The following NAXD variants were observed in gnomAD, a reference collection of about 807,000 sequenced individuals.
The protein encoded by NAXD is ATP-dependent (S)-NAD(P)H-hydrate dehydratase.
Under a neutral mutation model 35.8 loss-of-function variants are expected in NAXD, and 22 were observed. That is an observed-to-expected ratio of 0.62 (90% confidence interval 0.44 to 0.88). The LOEUF (loss-of-function observed/expected upper bound fraction) is 0.88. NAXD is among the 40% of genes least tolerant of loss of function. The pLI, the probability that NAXD is intolerant of heterozygous loss-of-function variation, is 0.00. For synonymous variants in NAXD, 189 were observed against 177.6 expected (o/e 1.06, Z -0.51); for missense variants, 428 against 437.7 (o/e 0.98, Z 0.20).
At chr13:110,620,407 C>T (rs1291114286) in intron 1 of NAXD, among the ~76,000 whole-genome samples, 1 of 151,788 alleles carries the variant, frequency 6.6e-6, no homozygotes. Context: ...TGGTGAAACC[C>T]CGTCTCTGCT....
intron 8 of NAXD, among the ~76,000 whole-genome samples, chr13:110,636,500 G>A (rs986252271): frequency 6.6e-6 from 1 of 152,202 alleles, no homozygotes; most frequent in Non-Finnish European, 1.5e-5. Flanking sequence ...ACACAGCTGT[G>A]CACAAGGAAC....
chr13:110,634,877 A>C (rs540078381), intron 7 of NAXD, 101 bp downstream of exon 7: 1 of 850,306 alleles, frequency 1.2e-6, no homozygotes, highest in Non-Finnish European at 1.9e-6. Context: ...CCCTGTGGAC[A>C]CACCTGCAAG....
chr13:110,636,415 C>G (rs1387548148), intron 8 of NAXD, among the ~76,000 whole-genome samples: 4 of 152,148 alleles, frequency 2.6e-5, no homozygotes, highest in African/African-American at 9.7e-5. Flanking sequence ...GCCTCGCACG[C>G]CCTTGCACAC....
At chr13:110,624,021 G>C (rs201843728) in intron 2 of NAXD, among the ~76,000 whole-genome samples, 1 of 143,366 alleles carries the variant, frequency 7.0e-6, no homozygotes, top group African/African-American at 2.6e-5. Flanking sequence ...AAAAAAAAAA[G>C]ACATTTCTAG....
intron 5 of NAXD, 68 bp downstream of exon 5, chr13:110,627,615 C>T: frequency 9.3e-7 from 1 of 1,076,892 alleles, no homozygotes. Context: ...GGAACAGAGG[C>T]ATTTCTCTTG....
chr13:110,634,904 C>T, intron 7 of NAXD, 128 bp downstream of exon 7: 2 of 705,520 alleles, frequency 2.8e-6, no homozygotes, highest in Non-Finnish European at 4.9e-6. Context: ...CTGTGCCTCT[C>T]CCAGCGGATG....
rs972823973 is a variant in NAXD, at chr13:110,622,315, C to T, written c.146C>T (p.Thr49Ile). Reference protein sequence around the residue: ...VRNIIPPLSSTKHKGQDGRIG... With the variant: ...VRNIIPPLSSIKHKGQDGRIG... ...AATATCATACCTCCTCTGTCTTCCA[C>T]AAAGCACAAAGGGCAAGATGGAAGA... The change falls in exon 2 of 10, where the codon ACA becomes ATA. Residue 49 changes from threonine (T) to isoleucine (I), a missense_variant. Physicochemically the swap from Thr to Ile is moderately conservative, Grantham distance 89. Transcript: ENST00000680254. The T allele has an allele frequency of 5.6e-6, 9 of 1,614,060 alleles. No homozygotes were observed. Among genetic ancestry groups the T allele is most frequent in the Non-Finnish European group, 6.8e-6 (8 of 1,180,026 alleles).
intron 4 of NAXD, among the ~76,000 whole-genome samples, chr13:110,626,518 G>A (rs1886488966): frequency 7.0e-6 from 1 of 142,600 alleles, no homozygotes; most frequent in Non-Finnish European, 1.5e-5. Context: ...TGTGGACGGT[G>A]CTTAAAGCTG....
At chr13:110,631,991 T>G (rs1886710302) in intron 5 of NAXD, among the ~76,000 whole-genome samples, 1 of 152,228 alleles carries the variant, frequency 6.6e-6, no homozygotes. Flanking sequence ...TTTAAATTAT[T>G]CTTAGCATGT....
At chr13:110,629,839 C>G (rs1886640125) in intron 5 of NAXD, among the ~76,000 whole-genome samples, 1 of 152,180 alleles carries the variant, frequency 6.6e-6, no homozygotes, top group Admixed American at 6.5e-5. Flanking sequence ...TCCATTCCCT[C>G]TAGCAGTGTG....
chr13:110,629,678 T>C (rs1886632865), intron 5 of NAXD, among the ~76,000 whole-genome samples: 1 of 152,274 alleles, frequency 6.6e-6, no homozygotes, highest in Admixed American at 6.5e-5. Flanking sequence ...AATATTTCAC[T>C]GTATGCATAC....
At chr13:110,620,670 C>T (rs936591167) in intron 1 of NAXD, among the ~76,000 whole-genome samples, 6 of 151,760 alleles carry the variant, frequency 4.0e-5, no homozygotes, top group Admixed American at 3.3e-4. Flanking sequence ...TCAGCTAAGG[C>T]AGTTACATCT....
chr13:110,624,688 C>G (rs536063251), intron 3 of NAXD, among the ~76,000 whole-genome samples: 1 of 152,374 alleles, frequency 6.6e-6, no homozygotes, highest in South Asian at 2.1e-4. Flanking sequence ...TCTCGAACTC[C>G]TGACCTCACG....
chr13:110,635,630 C>T, intron 8 of NAXD, 42 bp downstream of exon 8: 1 of 1,606,154 alleles, frequency 6.2e-7, no homozygotes, highest in Non-Finnish European at 8.5e-7. Flanking sequence ...AGTGCCAGGT[C>T]AGTCAGCATG....
intron 1 of NAXD, 139 bp downstream of exon 1, chr13:110,615,786 C>G: frequency 7.4e-7 from 1 of 1,353,610 alleles, no homozygotes; most frequent in Non-Finnish European, 9.5e-7. Flanking sequence ...TACCCGACCG[C>G]TGACCGCCTC....
intron 3 of NAXD, among the ~76,000 whole-genome samples, 164 bp from the exon 4 acceptor site, chr13:110,625,026 C>T (rs921952500): frequency 1.3e-5 from 2 of 152,222 alleles, no homozygotes; most frequent in African/African-American, 2.4e-5. Flanking sequence ...TTGTGCTCTG[C>T]GCCCTGGCCC....
At position 110,625,244 on chromosome 13, in the gene NAXD, G is replaced by A; in HGVS notation, c.298G>A (p.Ala100Thr). Residue 100 changes from alanine to threonine, a missense_variant, in exon 4 of 10, where the codon GCC becomes ACC. By Grantham distance (58) the Ala-to-Thr change is moderately conservative. Transcript: ENST00000680254. ...CASAAAPVIK[A>T]YSPELIVHPV... is the part of the protein sequence containing the mutation. ...CAGTGCGGCCGCACCTGTGATTAAG[G>A]CCTACAGCCCGGAGCTGATCGTCCA... is the stretch of plus-strand genomic sequence containing the variant. 2 of 1,613,942 alleles carry A rather than the reference G, an allele frequency of 1.2e-6. No individual in the cohort carries two copies. Among genetic ancestry groups the A allele is most frequent in the Non-Finnish European group, 1.7e-6 (2 of 1,179,882 alleles).
In NAXD at chr13:110,615,905, G is replaced by C. The variant is rs1305748738; in HGVS notation, c.46+258G>C. 3 of 731,996 alleles carry C rather than the reference G, an allele frequency of 4.1e-6. No homozygotes were observed. In the East Asian group the frequency reaches 1.1e-4, roughly 26 times the overall value. 45.3% of individuals were successfully genotyped at this position (731,996 alleles called of 1,614,324 possible). ...GGAGAGGACGGAGGCCTCCTGGAAC[G>C]GCGCGGCGACGGCTGGGCGCGGCTT... On this transcript the variant is annotated intron_variant, in intron 1 of 9. Coordinates refer to ENST00000680254, the MANE Select transcript of NAXD (RefSeq NM_001242882.2).
At chr13:110,623,015 C>T (rs938586806) in intron 2 of NAXD, among the ~76,000 whole-genome samples, 5 of 152,150 alleles carry the variant, frequency 3.3e-5, no homozygotes, top group African/African-American at 1.2e-4. Context: ...ATGCTGGTGA[C>T]GCTGCCGAAT....
Sources: allele counts gnomAD v4.1 joint callset (sites outside exome capture counted in the v4.1 genomes callset), GRCh38; gene constraint gnomAD v4.1.1; transcripts MANE v1.5; gene names NCBI Gene and HGNC (gene_info 2026-07-23, HGNC 2026-07-21).